TTC6: variants seen among roughly 807,000 people sequenced by gnomAD.
The protein encoded by TTC6 is tetratricopeptide repeat protein 6.
A neutral mutation model predicts 210.4 loss-of-function variants in TTC6; 172 were observed. The ratio of observed to expected loss-of-function variants is 0.82; its 90% CI spans 0.72 to 0.93. TTC6 has a LOEUF of 0.93. Among genes scored for constraint, TTC6 ranks in the 40% least tolerant of loss-of-function variants. The pLI is 0.00. For missense variants in TTC6, 2,414 were observed against 2,318.1 expected (o/e 1.04, Z -0.85); for synonymous variants, 804 against 819.6 (o/e 0.98, Z 0.32).
chr14:37,837,404 A>G (rs747242375), intron 29 of TTC6: 1 of 455,488 alleles, frequency 2.2e-6, no homozygotes, highest in Non-Finnish European at 4.4e-6. Flanking sequence ...TCAGGAGTGA[A>G]TCCTCTTCAA....
intron 1 of TTC6, among the ~76,000 whole-genome samples, chr14:37,670,873 AAAT>A (rs2095756972): frequency 6.6e-6 from 1 of 152,192 alleles, no homozygotes; most frequent in Non-Finnish European, 1.5e-5. Context: ...ACACATACCT[AAAT>A]AATAAAAATT....
chr14:37,787,193 C>T (rs895803703), intron 14 of TTC6, among the ~76,000 whole-genome samples: 14 of 152,034 alleles, frequency 9.2e-5, no homozygotes, highest in African/African-American at 1.9e-4. Context: ...TATTGACATA[C>T]GTCCTTGATA....
chr14:37,746,975 A>G (rs913255889), intron 10 of TTC6, among the ~76,000 whole-genome samples: 1 of 152,156 alleles, frequency 6.6e-6, no homozygotes, highest in Admixed American at 6.5e-5. Context: ...TACTAGCTTT[A>G]TTACCTTGGT....
chr14:37,820,469 G>A (rs575210590), intron 26 of TTC6, among the ~76,000 whole-genome samples: 7 of 152,188 alleles, frequency 4.6e-5, no homozygotes, highest in East Asian at 1.9e-4. Context: ...GCTTCAGTTC[G>A]CTGCCTCATT....
chr14:37,749,332 A>C (rs1178659162), exon 11 of TTC6: 2 of 1,508,688 alleles, frequency 1.3e-6, no homozygotes, highest in Admixed American at 2.1e-5. Context: ...CTGCATTTGC[A>C]TATTGTAGGC....
At chr14:37,622,261 C>G in exon 1 of TTC6, 1 of 1,535,186 alleles carries the variant, frequency 6.5e-7, no homozygotes, top group Non-Finnish European at 8.7e-7. Flanking sequence ...GCGCGCGTTT[C>G]CTGCGCCGCA....
intron 1 of TTC6, among the ~76,000 whole-genome samples, chr14:37,599,184 G>C (rs923667150): frequency 6.6e-6 from 1 of 152,214 alleles, no homozygotes; most frequent in Admixed American, 6.5e-5. Context: ...GGTCCCCCGC[G>C]AGAGAGAAGT....
chr14:37,696,508 T>C (rs1390071770), intron 3 of TTC6, among the ~76,000 whole-genome samples: 1 of 152,090 alleles, frequency 6.6e-6, no homozygotes, highest in Non-Finnish European at 1.5e-5. Context: ...TAAATAAACA[T>C]GATACTAATA....
exon 1 of TTC6, chr14:37,622,851 G>A: frequency 1.3e-6 from 2 of 1,534,330 alleles, no homozygotes; most frequent in Non-Finnish European, 8.7e-7. Flanking sequence ...GCGGGAGGCC[G>A]CCTGGCAGGC....
rs1005872091 is a variant in TTC6 at position 37,807,315 on chromosome 14, A to C, written c.4315-5A>C. 4.6e-6 allele frequency: 7 copies of C among 1,515,464 alleles called. No individual in the cohort carries two copies. Among genetic ancestry groups the C allele is most frequent in the Middle Eastern group, 1.7e-4 (1 of 5,918 alleles). The allele number at this position is 1,515,464 out of a possible 1,614,324, so 93.9% of individuals were successfully genotyped here. ...TTCCTGCTTTCTCTCTCTCTCTCTGAATAGGCATATTTAAGCCGAGTAGCA... is the reference window on the plus strand; with the variant it reads ...TTCCTGCTTTCTCTCTCTCTCTCTGCATAGGCATATTTAAGCCGAGTAGCA... On this transcript the variant is annotated splice_polypyrimidine_tract_variant and splice_region_variant and intron_variant, in intron 22 of 30. Coordinates refer to ENST00000553443, the Ensembl canonical transcript of TTC6.
rs1171923121 is a variant in TTC6 at position 37,804,763 on chromosome 14, CTG to C, written c.4115_4116del (p.Cys1372SerfsTer3). 1 of 1,614,094 alleles carries C rather than the reference CTG, an allele frequency of 6.2e-7. No homozygotes were observed. Among genetic ancestry groups the C allele is most frequent in the South Asian group, 1.1e-5 (1 of 91,076 alleles). On this transcript the variant is annotated frameshift_variant, in exon 21 of 31. Coordinates refer to ENST00000553443, the Ensembl canonical transcript of TTC6. LOFTEE classifies it high-confidence loss of function. Reference sequence around the variant, plus strand: ...CAGATGCCACAGCAATTTCAGCAGACTGTCTGTATAACTTGGGTCTTTGTTAC... The same window carrying C: ...CAGATGCCACAGCAATTTCAGCAGACTCTGTATAACTTGGGTCTTTGTTAC...
chr14:37,794,218 C>T (rs555472934), intron 17 of TTC6, among the ~76,000 whole-genome samples: 40 of 152,288 alleles, frequency 2.6e-4, no homozygotes, highest in Admixed American at 2.3e-3. Context: ...ATAGGGTTAG[C>T]TTAGGAAGCA....
intron 1 of TTC6, among the ~76,000 whole-genome samples, chr14:37,600,701 C>T (rs1019873802): frequency 6.6e-6 from 1 of 152,102 alleles, no homozygotes; most frequent in Non-Finnish European, 1.5e-5. Flanking sequence ...TTCTGATTTC[C>T]CCCCATATTT....
intron 1 of TTC6, among the ~76,000 whole-genome samples, chr14:37,644,456 T>A (rs1566860129): frequency 6.6e-6 from 1 of 152,176 alleles, no homozygotes; most frequent in East Asian, 1.9e-4. Context: ...TGTCTGAGAT[T>A]GCACACCACT....
intron 16 of TTC6, among the ~76,000 whole-genome samples, chr14:37,791,746 A>G (rs2096079890): frequency 6.6e-6 from 1 of 152,182 alleles, no homozygotes; most frequent in African/African-American, 2.4e-5. Flanking sequence ...ATCAAACATG[A>G]TAATTTCTAA....
intron 1 of TTC6, among the ~76,000 whole-genome samples, chr14:37,663,375 A>G (rs1365537864): frequency 6.6e-6 from 1 of 152,168 alleles, no homozygotes; most frequent in Non-Finnish European, 1.5e-5. Context: ...TACAAAATTA[A>G]ATGACTGTGG....
chr14:37,704,007 C>A (rs575813696), intron 5 of TTC6, among the ~76,000 whole-genome samples: 2 of 152,070 alleles, frequency 1.3e-5, no homozygotes, highest in African/African-American at 2.4e-5. Flanking sequence ...TTAAACCACC[C>A]ATGACATTCT....
intron 1 of TTC6, among the ~76,000 whole-genome samples, chr14:37,642,423 A>C (rs2095693682): frequency 6.6e-6 from 1 of 152,182 alleles, no homozygotes; most frequent in Admixed American, 6.5e-5. Flanking sequence ...ATTCAGTCAA[A>C]ACCCACTGAT....
At chr14:37,595,947 C>T (rs955295281) in exon 1 of TTC6, 2 of 152,256 alleles carry the variant, frequency 1.3e-5, no homozygotes, top group East Asian at 3.9e-4. Context: ...TAGGCCGACC[C>T]GGGCCCCGGG....
Sources: allele counts gnomAD v4.1 joint callset (sites outside exome capture counted in the v4.1 genomes callset), GRCh38; gene constraint gnomAD v4.1.1; transcripts MANE v1.5; gene names NCBI Gene and HGNC (gene_info 2026-07-23, HGNC 2026-07-21).